Variants in PRKCA observed in about 807,000 individuals in gnomAD.
PRKCA encodes the protein protein kinase C alpha, also known as protein kinase C alpha type.
In PRKCA, 27 loss-of-function variants were observed where a neutral mutation model predicts 87.0. That is an observed-to-expected ratio of 0.31 (90% CI 0.23 to 0.43). The LOEUF (loss-of-function observed/expected upper bound fraction) is 0.43. PRKCA is among the 20% of genes least tolerant of loss of function. PRKCA has a pLI of 1.00. For synonymous variants in PRKCA, 329 were observed against 311.1 expected (o/e 1.06, Z -0.61); for missense variants, 518 against 852.3 (o/e 0.61, Z 4.88).
chr17:66,506,078 C>G (rs780460072), intron 3 of PRKCA, among the ~76,000 whole-genome samples: 1 of 152,094 alleles, frequency 6.6e-6, no homozygotes, highest in African/African-American at 2.4e-5. Flanking sequence ...GGTGGATCAC[C>G]TGAGGTCAGG....
chr17:66,793,590 C>CAAAAAAAAAAA (rs1168440797), intron 16 of PRKCA, among the ~76,000 whole-genome samples: 1 of 51,574 alleles, frequency 1.9e-5, no homozygotes, highest in African/African-American at 6.6e-5. Flanking sequence ...AACTCCGTCT[C>CAAAAAAAAAAA]AAAAAAAAAA....
At chr17:66,714,776 G>A (rs549554763) in intron 8 of PRKCA, among the ~76,000 whole-genome samples, 4 of 152,174 alleles carry the variant, frequency 2.6e-5, no homozygotes, top group Admixed American at 1.3e-4. Flanking sequence ...GTCCCAGACC[G>A]CTGCTGGCAG....
At chr17:66,579,418 G>T (rs986428925) in intron 3 of PRKCA, among the ~76,000 whole-genome samples, 1 of 152,176 alleles carries the variant, frequency 6.6e-6, no homozygotes, top group Admixed American at 6.5e-5. Context: ...GAGGATGACG[G>T]TAGCAGTGGG....
chr17:66,437,206 C>A (rs1160165289), intron 2 of PRKCA, among the ~76,000 whole-genome samples: 1 of 152,164 alleles, frequency 6.6e-6, no homozygotes, highest in Non-Finnish European at 1.5e-5. Context: ...GAGAAAGGCC[C>A]TGCTGAGCAG....
chr17:66,391,084 T>C (rs1910333259), intron 2 of PRKCA, among the ~76,000 whole-genome samples: 1 of 152,110 alleles, frequency 6.6e-6, no homozygotes, highest in Non-Finnish European at 1.5e-5. Context: ...TCAAAAGTCA[T>C]CATAAAGACC....
At chr17:66,435,195 C>G (rs1913311752) in intron 2 of PRKCA, among the ~76,000 whole-genome samples, 1 of 152,174 alleles carries the variant, frequency 6.6e-6, no homozygotes, top group African/African-American at 2.4e-5. Context: ...GTGCTGCATC[C>G]AGGGGTTTCA....
chr17:66,395,040 T>A (rs995000740), intron 2 of PRKCA, among the ~76,000 whole-genome samples: 1 of 152,250 alleles, frequency 6.6e-6, no homozygotes, highest in African/African-American at 2.4e-5. Flanking sequence ...AACTTTTTTT[T>A]AAATTGAATA....
At chr17:66,794,864 T>G (rs909708470) in intron 16 of PRKCA, among the ~76,000 whole-genome samples, 1 of 152,168 alleles carries the variant, frequency 6.6e-6, no homozygotes, top group Non-Finnish European at 1.5e-5. Flanking sequence ...CCTCAAGTGA[T>G]CTGACTGCCT....
chr17:66,776,304 T>C (rs1975046717), intron 14 of PRKCA, among the ~76,000 whole-genome samples: 1 of 152,024 alleles, frequency 6.6e-6, no homozygotes, highest in Non-Finnish European at 1.5e-5. Flanking sequence ...AGACAAGCTG[T>C]TTCTGTTTTG....
At chr17:66,495,112 A>AAG (rs985495119) in intron 2 of PRKCA, among the ~76,000 whole-genome samples, 25 of 151,772 alleles carry the variant, frequency 1.6e-4, no homozygotes, top group African/African-American at 6.0e-4. Context: ...AAAAAAAAAA[A>AAG]AAAAACTCTT....
At chr17:66,381,194 G>T (rs1005470015) in intron 2 of PRKCA, among the ~76,000 whole-genome samples, 1 of 151,986 alleles carries the variant, frequency 6.6e-6, no homozygotes, top group Non-Finnish European at 1.5e-5. Context: ...CCCCTGCCTC[G>T]GCCTCCCAAA....
chr17:66,714,429 C>T (rs1257270513), intron 8 of PRKCA, among the ~76,000 whole-genome samples: 1 of 152,194 alleles, frequency 6.6e-6, no homozygotes, highest in Non-Finnish European at 1.5e-5. Flanking sequence ...CTCAGGCAGC[C>T]CCTCCTGCTG....
intron 2 of PRKCA, among the ~76,000 whole-genome samples, chr17:66,353,531 C>A (rs1339707781): frequency 2.0e-5 from 3 of 152,098 alleles, no homozygotes; most frequent in Non-Finnish European, 4.4e-5. Context: ...GCCTGGCCAA[C>A]ATGGTGAAAC....
rs75489250 is a variant in PRKCA at position 66,320,844 on chromosome 17, A to G, written c.205+14717A>G. Among the ~76,000 whole-genome samples, 1,421 of 152,318 alleles carry G rather than the reference A, an allele frequency of 9.3e-3. 26 individuals carry two copies. The highest frequency in any genetic ancestry group is 0.033 in the African/African-American group (1,368 of 41,568). On this transcript the variant is annotated intron_variant, in intron 2 of 16. Transcript: ENST00000413366. ...TAAATTACTCATTAGTTAATCTACA[A>G]ATGTACATATTTTTAGTAGCTCCCT...
rs542899507 is a variant in PRKCA, at chr17:66,443,098, GACAA to G, written c.206-53099_206-53096del. On this transcript the variant is annotated intron_variant, in intron 2 of 16. Transcript: ENST00000413366. ...TGGTTAGTAGAAACCTTATTTTATAGACAAACAGCTGAAGCTCAGAGGTGTTCAG... is the reference window on the plus strand; with the variant it reads ...TGGTTAGTAGAAACCTTATTTTATAGACAGCTGAAGCTCAGAGGTGTTCAG... 9.2e-5 allele frequency among the ~76,000 whole-genome samples: 14 copies of G among 152,274 alleles called. No homozygotes were observed. In the South Asian group the frequency reaches 2.9e-3, roughly 32 times the overall value.
chr17:66,558,291 G>T (rs1968563930), intron 3 of PRKCA, among the ~76,000 whole-genome samples: 1 of 152,254 alleles, frequency 6.6e-6, no homozygotes, highest in Non-Finnish European at 1.5e-5. Context: ...GAGACGGACA[G>T]TCAACATGTA....
chr17:66,312,396 A>G (rs1402513974), intron 2 of PRKCA, among the ~76,000 whole-genome samples: 2 of 152,172 alleles, frequency 1.3e-5, no homozygotes, highest in Non-Finnish European at 2.9e-5. Context: ...TCACTTGCTC[A>G]ATTGTTTTTC....
At chr17:66,635,457 C>G (rs1055002325) in intron 3 of PRKCA, among the ~76,000 whole-genome samples, 2 of 152,198 alleles carry the variant, frequency 1.3e-5, no homozygotes, top group African/African-American at 4.8e-5. Flanking sequence ...CTCATTCTGC[C>G]TGTGCCTTGA....
chr17:66,309,742 T>TA (rs1481718918), intron 2 of PRKCA, among the ~76,000 whole-genome samples: 1 of 152,202 alleles, frequency 6.6e-6, no homozygotes, highest in African/African-American at 2.4e-5. Context: ...GATGTACCCC[T>TA]AGCACTCATT....
Sources: allele counts gnomAD v4.1 joint callset (sites outside exome capture counted in the v4.1 genomes callset), GRCh38; gene constraint gnomAD v4.1.1; transcripts MANE v1.5; gene names NCBI Gene and HGNC (gene_info 2026-07-23, HGNC 2026-07-21).